The following AGMO variants were observed in gnomAD, a reference collection of about 807,000 sequenced individuals.
AGMO encodes the protein glyceryl-ether monooxygenase.
A neutral mutation model predicts 60.2 loss-of-function variants in AGMO; 75 were observed. The observed-to-expected ratio is 1.25, with a 90% CI of 1.03 to 1.51. The LOEUF is 1.51. Ranked by LOEUF, AGMO falls within the 40% of genes most tolerant of loss-of-function variation. The probability of loss-of-function intolerance (pLI) is 0.00; values close to 1 mark genes in which losing one functional copy is unlikely to be tolerated. For synonymous variants in AGMO, 261 were observed against 177.1 expected, an observed-to-expected ratio of 1.47 and a Z score of -3.76; for missense variants, 763 against 525.5, an observed-to-expected ratio of 1.45 and a Z score of -4.42.
the AGMO span, among the ~76,000 whole-genome samples, chr7:15,191,355 A>G: frequency 6.6e-6 from 1 of 152,160 alleles, no homozygotes; most frequent in Non-Finnish European, 1.5e-5. Flanking sequence ...GGTTGCACAT[A>G]ATCCCCCTAG....
At chr7:15,182,461 G>C in the AGMO span, among the ~76,000 whole-genome samples, 1 of 152,090 alleles carries the variant, frequency 6.6e-6, no homozygotes, top group African/African-American at 2.4e-5. Flanking sequence ...TGTTGCCCAG[G>C]CTGGAGTGCA....
At chr7:15,366,596 A>T (rs1782991548) in intron 10 of AGMO, among the ~76,000 whole-genome samples, 1 of 152,076 alleles carries the variant, frequency 6.6e-6, no homozygotes, top group South Asian at 2.1e-4. Context: ...AGTATAACAA[A>T]ATCTTTGTGG....
intron 12 of AGMO, among the ~76,000 whole-genome samples, chr7:15,250,099 T>C (rs552017482): frequency 5.3e-5 from 8 of 152,338 alleles, no homozygotes; most frequent in Admixed American, 2.0e-4. Flanking sequence ...TTTAATATAA[T>C]TGTGCTGTTA....
At chr7:15,266,148 T>C (rs12111705) in intron 12 of AGMO, among the ~76,000 whole-genome samples, 239 of 152,148 alleles carry the variant, frequency 1.6e-3, no homozygotes, top group African/African-American at 5.6e-3. Context: ...ATGGGAGTTA[T>C]TGTTTAATAG....
intron 9 of AGMO, among the ~76,000 whole-genome samples, chr7:15,387,017 A>G (rs893639359): frequency 6.6e-6 from 1 of 152,104 alleles, no homozygotes; most frequent in Non-Finnish European, 1.5e-5. Context: ...TCAGTTTTTC[A>G]TGAGTGGAGT....
At chr7:15,294,504 A>G (rs1784358823) in intron 12 of AGMO, among the ~76,000 whole-genome samples, 1 of 139,876 alleles carries the variant, frequency 7.1e-6, no homozygotes. Flanking sequence ...CAATTTCAAC[A>G]ACAAAAATAC....
chr7:15,268,168 T>C (rs1194689374), intron 12 of AGMO, among the ~76,000 whole-genome samples: 1 of 152,022 alleles, frequency 6.6e-6, no homozygotes, highest in Non-Finnish European at 1.5e-5. Context: ...TATTAATATG[T>C]AATGAAAAAA....
chr7:15,325,629 GAAAA>G (rs1563088649), intron 12 of AGMO, among the ~76,000 whole-genome samples: 1 of 151,890 alleles, frequency 6.6e-6, no homozygotes, highest in Admixed American at 6.6e-5. Flanking sequence ...GGTTGAAACA[GAAAA>G]AATAACTCAA....
chr7:15,456,379 T>C (rs1437032089), intron 3 of AGMO, among the ~76,000 whole-genome samples: 1 of 152,116 alleles, frequency 6.6e-6, no homozygotes, highest in Non-Finnish European at 1.5e-5. Context: ...TTTACCTTTT[T>C]CAATTACTTT....
At chr7:15,240,863 T>TC (rs1222473610) in intron 12 of AGMO, among the ~76,000 whole-genome samples, 1 of 151,878 alleles carries the variant, frequency 6.6e-6, no homozygotes, top group Non-Finnish European at 1.5e-5. Flanking sequence ...TCTAGGTGAT[T>TC]TTTTTTTCCA....
At chr7:15,473,811 T>C (rs1306940892) in intron 3 of AGMO, among the ~76,000 whole-genome samples, 2 of 152,092 alleles carry the variant, frequency 1.3e-5, no homozygotes, top group African/African-American at 4.8e-5. Flanking sequence ...GAAAACCCTA[T>C]CATTTCAGCC....
intron 2 of AGMO, among the ~76,000 whole-genome samples, chr7:15,556,411 C>G (rs1583687760): frequency 6.6e-6 from 1 of 151,890 alleles, no homozygotes; most frequent in East Asian, 1.9e-4. Flanking sequence ...GAAAATTTAC[C>G]TACTTAAATT....
At chr7:15,255,657 C>T (rs1382526106) in intron 12 of AGMO, among the ~76,000 whole-genome samples, 1 of 151,966 alleles carries the variant, frequency 6.6e-6, no homozygotes, top group Admixed American at 6.6e-5. Context: ...TTAAAAAGAT[C>T]TTCATAATGA....
At chr7:15,157,137 A>G in the AGMO span, among the ~76,000 whole-genome samples, 1 of 152,176 alleles carries the variant, frequency 6.6e-6, no homozygotes, top group African/African-American at 2.4e-5. Flanking sequence ...ACAAACATTT[A>G]CTATGTGCCT....
chr7:15,428,973 G>C (rs889640163), intron 4 of AGMO, among the ~76,000 whole-genome samples: 8 of 152,018 alleles, frequency 5.3e-5, no homozygotes, highest in African/African-American at 1.9e-4. Context: ...AATTTTTTAA[G>C]AAGGGAGGAT....
the AGMO span, among the ~76,000 whole-genome samples, chr7:15,161,143 C>A: frequency 6.6e-6 from 1 of 152,164 alleles, no homozygotes; most frequent in South Asian, 2.1e-4. Flanking sequence ...CACATCCTAA[C>A]ACTGTTGCAC....
chr7:15,213,483 T>G lies in AGMO; in HGVS notation c.1264-12124A>C, dbSNP rs200293375. On this transcript the variant is annotated intron_variant, in intron 12 of 12. Transcript: ENST00000342526. Reference sequence around the variant, plus strand: ...TTCCCCAGATAGCCTCCAGGAAAATTTAAATTTATAATAAAAAGGATACAT... The same window carrying G: ...TTCCCCAGATAGCCTCCAGGAAAATGTAAATTTATAATAAAAAGGATACAT... Among the ~76,000 whole-genome samples the G allele has an allele frequency of 1.5e-4, 23 of 151,792 alleles. No homozygotes were observed. The East Asian group carries it at 4.4e-3, about 29-fold the overall frequency.
At chr7:15,473,080 C>T (rs1256813899) in intron 3 of AGMO, among the ~76,000 whole-genome samples, 2 of 151,776 alleles carry the variant, frequency 1.3e-5, no homozygotes, top group Non-Finnish European at 2.9e-5. Flanking sequence ...AAGGTGATCC[C>T]AGAGAAATAC....
rs549630534 is a variant in AGMO at position 15,474,628 on chromosome 7, T to C, written c.410-43520A>G. ...AACCTAGGCAACACCATCAAGGACA[T>C]AGTCATGGACAAAGACTTCATGACT... On this transcript the variant is annotated intron_variant, in intron 3 of 12. Coordinates refer to ENST00000342526, the MANE Select transcript of AGMO (RefSeq NM_001004320.2). 1.0e-3 allele frequency among the ~76,000 whole-genome samples: 158 copies of C among 152,220 alleles called. 1 individual carries two copies. Among genetic ancestry groups the C allele is most frequent in the African/African-American group, 3.7e-3 (153 of 41,530 alleles).
Sources: allele counts gnomAD v4.1 joint callset (sites outside exome capture counted in the v4.1 genomes callset), GRCh38; gene constraint gnomAD v4.1.1; transcripts MANE v1.5; gene names NCBI Gene and HGNC (gene_info 2026-07-23, HGNC 2026-07-21).